Variants in NAA11 observed in about 807,000 individuals in gnomAD.
NAA11 encodes N-alpha-acetyltransferase 11, NatA catalytic subunit.
Under a neutral mutation model 16.1 loss-of-function variants are expected in NAA11, and 15 were observed. The ratio of observed to expected loss-of-function variants is 0.93; its 90% CI spans 0.62 to 1.44. The LOEUF (loss-of-function observed/expected upper bound fraction) is 1.44. Ranked by LOEUF, NAA11 falls within the 40% of genes most tolerant of loss-of-function variation. The probability of loss-of-function intolerance (pLI) is 0.00; values close to 1 mark genes in which losing one functional copy is unlikely to be tolerated. For missense variants in NAA11, 298 were observed against 291.3 expected, an observed-to-expected ratio of 1.02 and a Z score of -0.17; for synonymous variants, 122 against 112.4, an observed-to-expected ratio of 1.09 and a Z score of -0.54.
chr4:79,176,838 C>T, the NAA11 span, among the ~76,000 whole-genome samples: 3 of 152,178 alleles, frequency 2.0e-5, no homozygotes, highest in Non-Finnish European at 4.4e-5. Flanking sequence ...TTTCCATGCA[C>T]GTCCCAAGGA....
the NAA11 span, among the ~76,000 whole-genome samples, chr4:79,177,692 G>T: frequency 6.6e-6 from 1 of 151,994 alleles, no homozygotes; most frequent in Non-Finnish European, 1.5e-5. Flanking sequence ...AACAGGTCAG[G>T]GTATACTGTA....
chr4:79,199,891 A>T, the NAA11 span, among the ~76,000 whole-genome samples: 1 of 151,896 alleles, frequency 6.6e-6, no homozygotes, highest in African/African-American at 2.4e-5. Flanking sequence ...AGCTTTGTTC[A>T]TGGTATTCCT....
chr4:79,265,616 A>C (rs1306013628), intron 2 of NAA11, among the ~76,000 whole-genome samples: 2 of 152,122 alleles, frequency 1.3e-5, no homozygotes, highest in African/African-American at 4.8e-5. Flanking sequence ...TCTTCTTGAA[A>C]TTCTTTCTCC....
the NAA11 span, among the ~76,000 whole-genome samples, chr4:79,171,151 C>A: frequency 6.6e-6 from 1 of 152,142 alleles, no homozygotes; most frequent in African/African-American, 2.4e-5. Context: ...GAAACCTAAT[C>A]CCCAAGGCAA....
At chr4:79,179,412 G>A in the NAA11 span, among the ~76,000 whole-genome samples, 1 of 152,104 alleles carries the variant, frequency 6.6e-6, no homozygotes, top group Non-Finnish European at 1.5e-5. Flanking sequence ...ACTTTGAAGT[G>A]TATTTCCTTT....
chr4:79,323,416 G>C (rs1724159872), intron 1 of NAA11, among the ~76,000 whole-genome samples: 1 of 152,198 alleles, frequency 6.6e-6, no homozygotes, highest in Non-Finnish European at 1.5e-5. Context: ...GCTGGGCGCG[G>C]TGGCTCACGC....
At chr4:79,236,127 G>A (rs1475226663) in intron 2 of NAA11, among the ~76,000 whole-genome samples, 1 of 152,044 alleles carries the variant, frequency 6.6e-6, no homozygotes, top group Non-Finnish European at 1.5e-5. Flanking sequence ...CATAAGTCTT[G>A]TAAAATGTAT....
the NAA11 span, among the ~76,000 whole-genome samples, chr4:79,219,952 G>T: frequency 6.6e-5 from 10 of 152,070 alleles, no homozygotes; most frequent in African/African-American, 2.4e-4. Flanking sequence ...TAGTTTTTGA[G>T]CCTTGCTTTG....
At chr4:79,162,905 T>C in the NAA11 span, among the ~76,000 whole-genome samples, 40 of 152,192 alleles carry the variant, frequency 2.6e-4, no homozygotes, top group Non-Finnish European at 4.4e-4. Flanking sequence ...ATAGGAAGTA[T>C]TTTTCATATA....
chr4:79,276,030 G>A (rs1241310959), intron 2 of NAA11, among the ~76,000 whole-genome samples: 1 of 152,032 alleles, frequency 6.6e-6, no homozygotes, highest in African/African-American at 2.4e-5. Context: ...TTTTGTTATT[G>A]TTGCTAAAAG....
chr4:79,187,065 AT>A, the NAA11 span, among the ~76,000 whole-genome samples: 2 of 152,174 alleles, frequency 1.3e-5, no homozygotes, highest in African/African-American at 4.8e-5. Flanking sequence ...TATTTTTATT[AT>A]TACATTTTAA....
intron 1 of NAA11, among the ~76,000 whole-genome samples, chr4:79,319,856 C>A (rs1724040080): frequency 6.6e-6 from 1 of 152,128 alleles, no homozygotes; most frequent in Non-Finnish European, 1.5e-5. Context: ...TTCATTATAT[C>A]ATTCCAGTTA....
chr4:79,202,648 T>TATATATATATATATATATATATAAAA, the NAA11 span, among the ~76,000 whole-genome samples: 4 of 127,694 alleles, frequency 3.1e-5, no homozygotes, highest in East Asian at 7.7e-4. Flanking sequence ...TATATATATA[T>TATATATATATATATATATATATAAAA]ATCTGTGTAA....
intron 2 of NAA11, among the ~76,000 whole-genome samples, chr4:79,264,845 G>T (rs1182667487): frequency 1.3e-5 from 2 of 152,048 alleles, no homozygotes; most frequent in Non-Finnish European, 2.9e-5. Context: ...TGGTTTCATA[G>T]CTTTGATGAC....
At chr4:79,237,295 G>T (rs755065353) in intron 2 of NAA11, among the ~76,000 whole-genome samples, 4 of 152,130 alleles carry the variant, frequency 2.6e-5, no homozygotes, top group Admixed American at 2.0e-4. Context: ...ACTCCTAGCT[G>T]CTCATTCACA....
intron 2 of NAA11, among the ~76,000 whole-genome samples, chr4:79,237,307 A>C (rs1389449901): frequency 1.3e-4 from 20 of 152,142 alleles, no homozygotes; most frequent in Admixed American, 1.3e-3. Context: ...TCATTCACAC[A>C]GTGGTATGTA....
chr4:79,186,508 T>C, the NAA11 span, among the ~76,000 whole-genome samples: 1 of 152,186 alleles, frequency 6.6e-6, no homozygotes, highest in Non-Finnish European at 1.5e-5. Context: ...AGGGGCATCA[T>C]TGTCATTTTT....
chr4:79,234,217 T>G (rs1033698199), intron 2 of NAA11, among the ~76,000 whole-genome samples: 4 of 152,100 alleles, frequency 2.6e-5, no homozygotes, highest in African/African-American at 4.8e-5. Flanking sequence ...CTGTAGAAAA[T>G]TGGGGCTTTT....
chr4:79,279,076 T>C (rs916847114), intron 2 of NAA11, among the ~76,000 whole-genome samples: 1 of 152,032 alleles, frequency 6.6e-6, no homozygotes, highest in Non-Finnish European at 1.5e-5. Context: ...ACCTAACCTC[T>C]TTACACTGTT....
Sources: gnomAD v4.1 joint callset for allele counts (sites outside exome capture counted in the v4.1 genomes callset) on GRCh38, gnomAD v4.1.1 for gene constraint, MANE v1.5 for transcripts, NCBI Gene and HGNC (gene_info 2026-07-23, HGNC 2026-07-21) for gene names.